Variants in VLDLR observed in about 807,000 individuals in gnomAD.
VLDLR encodes very low density lipoprotein receptor, also known as very low-density lipoprotein receptor.
Under a neutral mutation model 112.7 loss-of-function variants are expected in VLDLR, and 81 were observed. The observed-to-expected ratio is 0.72, with a 90% CI of 0.60 to 0.86. VLDLR has a LOEUF of 0.86. Among genes scored for constraint, VLDLR ranks in the 40% least tolerant of loss-of-function variants. The pLI is 0.00. For synonymous variants in VLDLR, 436 were observed against 384.8 expected, an observed-to-expected ratio of 1.13 and a Z score of -1.56; for missense variants, 1,237 against 1,099.4, an observed-to-expected ratio of 1.13 and a Z score of -1.77.
intron 1 of VLDLR, 63 bp from the exon 2 acceptor site, chr9:2,635,390 G>A (rs1817555816): frequency 1.2e-6 from 2 of 1,610,962 alleles, no homozygotes; most frequent in African/African-American, 1.3e-5. Flanking sequence ...CCATCCATGG[G>A]TATTAGGTAT....
rs1817090568 is a variant in VLDLR, at chr9:2,626,455, T to C, written c.82+4184T>C. 2.0e-5 allele frequency among the ~76,000 whole-genome samples: 3 copies of C among 152,192 alleles called. No individual in the cohort carries two copies. In the South Asian group the frequency reaches 6.2e-4, roughly 31 times the overall value. ...GATTAGGGATGCTCAACCTGGACCA[T>C]AAATTTAGCATACTTTTCCCCTTGA... is the stretch of plus-strand genomic sequence containing the variant. On this transcript the variant is annotated intron_variant, in intron 1 of 18. Transcript: ENST00000382100.
In VLDLR at chr9:2,643,476, G is replaced by A; in HGVS notation, c.765G>A (p.Lys255=). 1.2e-6 allele frequency: 2 copies of A among 1,614,198 alleles called. No homozygotes were observed. The highest frequency in any genetic ancestry group is 2.2e-5 in the South Asian group (2 of 91,080). The change falls in exon 5 of 19, where the codon AAG becomes AAA. Residue 255 remains lysine (K), a synonymous_variant. Coordinates refer to ENST00000382100, the MANE Select transcript of VLDLR (RefSeq NM_003383.5). ...GCTCTGGCGAGTGCATCCATAAGAA[G>A]TGGCGATGTGATGGGGACCCTGACT... The part of the protein sequence containing the change: ...QCGSGECIHK[K]WRCDGDPDCK...
chr9:2,638,880 C>T (rs928044186), intron 2 of VLDLR, among the ~76,000 whole-genome samples: 11 of 152,160 alleles, frequency 7.2e-5, no homozygotes, highest in Non-Finnish European at 1.2e-4. Flanking sequence ...TGATGTTAGC[C>T]TACCCCTTGG....
intron 1 of VLDLR, among the ~76,000 whole-genome samples, chr9:2,629,911 A>G (rs36020543): frequency 6.2e-4 from 95 of 152,298 alleles, no homozygotes; most frequent in African/African-American, 2.2e-3. Context: ...ATTCTCCTGC[A>G]TCAGCCTCCC....
chr9:2,625,190 A>G (rs1386752526), intron 1 of VLDLR, among the ~76,000 whole-genome samples: 4 of 152,234 alleles, frequency 2.6e-5, no homozygotes, highest in Non-Finnish European at 4.4e-5. Flanking sequence ...CAGTTTTGGA[A>G]GAGGAAAAAA....
chr9:2,625,038 G>A (rs778956838), intron 1 of VLDLR, among the ~76,000 whole-genome samples: 3 of 152,176 alleles, frequency 2.0e-5, no homozygotes, highest in Non-Finnish European at 4.4e-5. Flanking sequence ...TAAGACTTTA[G>A]TACAATAGAC....
intron 4 of VLDLR, 73 bp downstream of exon 4, chr9:2,641,572 A>G: frequency 6.2e-7 from 1 of 1,607,430 alleles, no homozygotes; most frequent in Non-Finnish European, 8.5e-7. Context: ...GGGGAAACTA[A>G]TCTAAGCCTG....
Position 2,654,888 on chromosome 9 carries a change from A to C in VLDLR, c.*1020A>C, listed in dbSNP as rs1020655585. 4.1e-5 allele frequency: 6 copies of C among 146,826 alleles called. No individual in the cohort carries two copies. The highest frequency in any genetic ancestry group is 7.7e-5 in the Non-Finnish European group (5 of 65,070). 9.1% of individuals were successfully genotyped at this position (146,826 alleles called of 1,614,324 possible). A position where few individuals can be genotyped will look rare whatever the true frequency, so the allele number is the denominator to read the frequency against. ...AGGCATGGATAAGGGCTTTCTTCTT[A>C]TGAAAGTCTAGACTGTCTTACTGTG... On this transcript the variant is annotated 3_prime_UTR_variant, in exon 19 of 19. Coordinates refer to ENST00000382100, the MANE Select transcript of VLDLR (RefSeq NM_003383.5).
rs866203761 is a variant in VLDLR at position 2,643,270 on chromosome 9, G to T, written c.559G>T (p.Asp187Tyr). 5 of 1,613,766 alleles carry T rather than the reference G, an allele frequency of 3.1e-6. No individual in the cohort carries two copies. The highest frequency in any genetic ancestry group is 1.1e-5 in the South Asian group (1 of 91,072). Residue 187 changes from aspartate to tyrosine, a missense_variant, in exon 5 of 19, where the codon GAC becomes TAC. Transcript: ENST00000382100. ...DDCSDGSDEL[D>Y]CAPPTCGAHE... is the part of the protein sequence containing the mutation. ...CTGCAGCGATGGCAGTGATGAGCTG[G>T]ACTGTGCCCCGCCAACCTGTGGCGC...
At chr9:2,641,292 G>T in intron 3 of VLDLR, 85 bp from the exon 4 acceptor site, 4 of 1,603,136 alleles carry the variant, frequency 2.5e-6, no homozygotes, top group Non-Finnish European at 3.4e-6. Context: ...TGAGTCACAG[G>T]TATTAGCGCT....
intron 15 of VLDLR, 121 bp from the exon 16 acceptor site, chr9:2,651,294 C>T (rs1563767029): frequency 1.3e-6 from 1 of 770,118 alleles, no homozygotes; most frequent in East Asian, 2.7e-5. Context: ...CAACTTAGTT[C>T]AGCAGTGGTT....
In VLDLR at chr9:2,652,099, A is replaced by G. The variant is rs1005766471; in HGVS notation, c.2416+145A>G. 4 of 743,884 alleles carry G rather than the reference A, an allele frequency of 5.4e-6. No homozygotes were observed. The Admixed American group carries it at 6.3e-5, about 12-fold the overall frequency. The allele number at this position is 743,884 out of a possible 1,614,324, so 46.1% of individuals were successfully genotyped here. A position where few individuals can be genotyped will look rare whatever the true frequency, so the allele number is the denominator to read the frequency against. ...GAATTACGTTCGCTTTCTCCCCCAC[A>G]TAATACACTAAATTAAGGCCCATAT... On this transcript the variant is annotated intron_variant, in intron 17 of 18. Coordinates refer to ENST00000382100, the MANE Select transcript of VLDLR (RefSeq NM_003383.5).
At chr9:2,639,739 G>A (rs1020251333) in intron 2 of VLDLR, 120 bp from the exon 3 acceptor site, 9 of 1,430,224 alleles carry the variant, frequency 6.3e-6, no homozygotes, top group African/African-American at 4.2e-5. Flanking sequence ...GCAGTTGAGT[G>A]CCCATTGACT....
intron 14 of VLDLR, among the ~76,000 whole-genome samples, chr9:2,649,940 A>G (rs572866038): frequency 6.6e-6 from 1 of 152,272 alleles, no homozygotes; most frequent in South Asian, 2.1e-4. Flanking sequence ...GGCTGGTTCT[A>G]TCTAAATAAA....
rs1247552110 is a variant in VLDLR at position 2,656,605 on chromosome 9, C to T, written c.*2737C>T. 6.6e-6 allele frequency: 1 copy of T among 151,866 alleles called. No individual in the cohort carries two copies. The highest frequency in any genetic ancestry group is 1.5e-5 in the Non-Finnish European group (1 of 68,008). 9.4% of individuals were successfully genotyped at this position (151,866 alleles called of 1,614,324 possible). On this transcript the variant is annotated 3_prime_UTR_variant, in exon 19 of 19. Coordinates refer to ENST00000382100, the MANE Select transcript of VLDLR (RefSeq NM_003383.5). ...ATAAGTTTGCTCTGTCTCTAGAGTT[C>T]AATGTAGAAGATAATTAAGAGGTAA... is the stretch of plus-strand genomic sequence containing the variant.
At chr9:2,644,437 G>A (rs1817976829) in intron 7 of VLDLR, among the ~76,000 whole-genome samples, 1 of 150,580 alleles carries the variant, frequency 6.6e-6, no homozygotes, top group Non-Finnish European at 1.5e-5. Flanking sequence ...CCAAAGTGCT[G>A]GGATTACAGG....
chr9:2,642,124 G>T (rs374531856), intron 4 of VLDLR, among the ~76,000 whole-genome samples: 3 of 152,156 alleles, frequency 2.0e-5, no homozygotes, highest in African/African-American at 7.2e-5. Flanking sequence ...TCTGGTCTTG[G>T]AAAATCTTTA....
At chr9:2,629,021 GGT>G (rs1586635810) in intron 1 of VLDLR, among the ~76,000 whole-genome samples, 1 of 152,170 alleles carries the variant, frequency 6.6e-6, no homozygotes, top group African/African-American at 2.4e-5. Flanking sequence ...TTAGTGCAGT[GGT>G]TCTCAAAGTG....
chr9:2,626,706 C>G (rs1336011018), intron 1 of VLDLR, among the ~76,000 whole-genome samples: 1 of 152,108 alleles, frequency 6.6e-6, no homozygotes, highest in African/African-American at 2.4e-5. Flanking sequence ...ATCTGGGGAG[C>G]CTTTATGTAT....
Sources: allele counts gnomAD v4.1 joint callset (sites outside exome capture counted in the v4.1 genomes callset), GRCh38; gene constraint gnomAD v4.1.1; transcripts MANE v1.5; gene names NCBI Gene and HGNC (gene_info 2026-07-23, HGNC 2026-07-21).